Variants in CCDC169 observed in about 807,000 individuals in gnomAD.
CCDC169 encodes coiled-coil domain-containing protein 169.
A neutral mutation model predicts 36.0 loss-of-function variants in CCDC169; 30 were observed. The ratio of observed to expected loss-of-function variants is 0.83; its 90% CI spans 0.62 to 1.13. The LOEUF is 1.13. Among genes scored for constraint, CCDC169 ranks in the 50% most tolerant of loss-of-function variants. The pLI, the probability that CCDC169 is intolerant of heterozygous loss-of-function variation, is 0.00. For synonymous variants in CCDC169, 85 were observed against 81.5 expected (o/e 1.04, Z -0.23); for missense variants, 245 against 245.9 (o/e 1.00, Z 0.03).
downstream of CCDC169, chr13:36,227,095 C>T: frequency 1.6e-6 from 1 of 621,650 alleles, no homozygotes; most frequent in Middle Eastern, 3.7e-4. Context: ...ACTAAACCAG[C>T]AGAGTGGGTC....
intron 7 of CCDC169, among the ~76,000 whole-genome samples, chr13:36,245,300 T>A (rs981730055): frequency 1.3e-5 from 2 of 152,134 alleles, no homozygotes; most frequent in Non-Finnish European, 2.9e-5. Context: ...TCCTGTGTTT[T>A]TGTTTTTTTT....
intron 7 of CCDC169, among the ~76,000 whole-genome samples, chr13:36,243,121 T>G (rs1246568253): frequency 6.6e-6 from 1 of 152,216 alleles, no homozygotes; most frequent in Admixed American, 6.5e-5. Context: ...TACATGGGAC[T>G]GCAGCTGCGC....
chr13:36,290,242 C>CA (rs1185108846), intron 2 of CCDC169, among the ~76,000 whole-genome samples: 2 of 151,992 alleles, frequency 1.3e-5, no homozygotes, highest in Non-Finnish European at 2.9e-5. Context: ...GCCTGTACCA[C>CA]AAAAAAATTA....
chr13:36,237,511 A>G (rs1114744), intron 7 of CCDC169, among the ~76,000 whole-genome samples: 27,706 of 152,138 alleles, frequency 0.18, 2,626 homozygotes, highest in African/African-American at 0.22. Context: ...CATTATTCAT[A>G]ATAGTGAAGA....
chr13:36,231,523 CA>C (rs1488694150), intron 7 of CCDC169, among the ~76,000 whole-genome samples: 7 of 152,174 alleles, frequency 4.6e-5, no homozygotes, highest in African/African-American at 1.7e-4. Flanking sequence ...GCAGGTAATT[CA>C]AAGGCTGGAA....
At chr13:36,272,650 G>C (rs1207664814) in intron 4 of CCDC169, among the ~76,000 whole-genome samples, 1 of 152,032 alleles carries the variant, frequency 6.6e-6, no homozygotes, top group Admixed American at 6.6e-5. Flanking sequence ...TACCCCATAA[G>C]GTTTAATCCT....
At chr13:36,261,917 C>A (rs1874658039) in intron 4 of CCDC169, among the ~76,000 whole-genome samples, 1 of 152,164 alleles carries the variant, frequency 6.6e-6, no homozygotes, top group Non-Finnish European at 1.5e-5. Flanking sequence ...GCCCAGTAGA[C>A]CCAGATGCCA....
intron 4 of CCDC169, among the ~76,000 whole-genome samples, chr13:36,276,673 A>T (rs1354429226): frequency 6.6e-6 from 1 of 152,190 alleles, no homozygotes; most frequent in Admixed American, 6.5e-5. Context: ...AACTAGAGAA[A>T]GAGAAAAATA....
At position 36,230,851 on chromosome 13, in the gene CCDC169, C is replaced by T. The variant is rs1870341041; in HGVS notation, c.*342G>A. 5 of 1,000,594 alleles carry T rather than the reference C, an allele frequency of 5.0e-6. 1 individual carries two copies. Among genetic ancestry groups the T allele is most frequent in the South Asian group, 4.6e-5 (1 of 21,530 alleles). 62.0% of individuals were successfully genotyped at this position (1,000,594 alleles called of 1,614,324 possible). A position where few individuals can be genotyped will look rare whatever the true frequency, so the allele number is the denominator to read the frequency against. Reference sequence around the variant, plus strand: ...ATGGCAAAAAGGTTTTATGAATACACACTTTTTGCTAACAGTCAACTAGAA... The same window carrying T: ...ATGGCAAAAAGGTTTTATGAATACATACTTTTTGCTAACAGTCAACTAGAA... On this transcript the variant is annotated 3_prime_UTR_variant, in exon 8 of 8. Transcript: ENST00000239859.
chr13:36,248,747 C>T (rs9315404), intron 6 of CCDC169, 65 bp from the exon 7 acceptor site: 647,911 of 1,400,740 alleles, frequency 0.46, 152,970 homozygotes, highest in Non-Finnish European at 0.48. Context: ...ATAAGAGAGA[C>T]AGTCAATTCT....
At chr13:36,250,404 GT>G in intron 6 of CCDC169, among the ~76,000 whole-genome samples, 1 of 152,284 alleles carries the variant, frequency 6.6e-6, no homozygotes, top group South Asian at 2.1e-4. Context: ...CAAACTGAAG[GT>G]TTTTAACAGG....
In CCDC169 at chr13:36,232,242, G is replaced by T. The variant is rs570927385; in HGVS notation, c.546-950C>A. Among the ~76,000 whole-genome samples, 6 of 152,210 alleles carry T rather than the reference G, an allele frequency of 3.9e-5. No individual in the cohort carries two copies. The South Asian group carries it at 1.2e-3, about 32-fold the overall frequency. On this transcript the variant is annotated intron_variant, in intron 7 of 7. Transcript: ENST00000239859. ...TAGCCTGGTGGACACCATAAGAGGT[G>T]GAATAGGGTTGGAGATCCTTTAACA...
rs3083971 is a variant in CCDC169 at position 36,274,868 on chromosome 13, A to ATTTTTT, written c.315+8595_315+8600dup. Among the ~76,000 whole-genome samples the ATTTTTT allele has an allele frequency of 1.9e-3, 222 of 118,442 alleles. 3 individuals carry two copies. Among genetic ancestry groups the ATTTTTT allele is most frequent in the African/African-American group, 3.6e-3 (113 of 30,990 alleles). 77.7% of individuals were successfully genotyped at this position (118,442 alleles called of 152,430 possible). A position where few individuals can be genotyped will look rare whatever the true frequency, so the allele number is the denominator to read the frequency against. On this transcript the variant is annotated intron_variant, in intron 4 of 7. Transcript: ENST00000239859. ...GCAGAGAGAAAATTCCATTAGCTGC[A>ATTTTTT]TTTTTTTTTTTTTTTTTTTTGAGAC...
chr13:36,236,538 A>C (rs1576230), intron 7 of CCDC169, among the ~76,000 whole-genome samples: 1 of 151,912 alleles, frequency 6.6e-6, no homozygotes, highest in Admixed American at 6.6e-5. Flanking sequence ...TAAAACTCTT[A>C]GAAGAAAACA....
chr13:36,283,788 T>C, intron 2 of CCDC169, 86 bp from the exon 3 acceptor site: 1 of 1,007,368 alleles, frequency 9.9e-7, no homozygotes. Flanking sequence ...TTGATCTTAC[T>C]CTATTACTAT....
At chr13:36,282,671 C>A (rs971154800) in intron 4 of CCDC169, 3 of 374,480 alleles carry the variant, frequency 8.0e-6, no homozygotes, top group Admixed American at 1.3e-4. Context: ...GTCTCTGGAT[C>A]TAAATTATTA....
In CCDC169 at chr13:36,254,135, T is replaced by G; in HGVS notation, c.324A>C (p.Leu108Phe). The G allele has an allele frequency of 6.6e-7, 1 of 1,513,520 alleles. No individual in the cohort carries two copies. The highest frequency in any genetic ancestry group is 8.8e-7 in the Non-Finnish European group (1 of 1,134,240). 93.8% of individuals were successfully genotyped at this position (1,513,520 alleles called of 1,614,324 possible). A position where few individuals can be genotyped will look rare whatever the true frequency, so the allele number is the denominator to read the frequency against. Residue 108 changes from leucine to phenylalanine, a missense_variant, in exon 5 of 8, where the codon TTA becomes TTC. Leu to Phe is a conservative substitution (Grantham distance 22). Coordinates refer to ENST00000239859, the MANE Select transcript of CCDC169 (RefSeq NM_001144981.3). ...RVYERMPVES[L>F]NTLLKQLEEE... The stretch of plus-strand genomic sequence containing the variant: ...CTTCTAGCTGTTTAAGTAATGTGTT[T>G]AAGGATTCCTAAAAATATAAATAGT...
chr13:36,278,577 C>G (rs1877125409), intron 4 of CCDC169, among the ~76,000 whole-genome samples: 1 of 152,156 alleles, frequency 6.6e-6, no homozygotes, highest in Non-Finnish European at 1.5e-5. Context: ...CCTGAACATT[C>G]ATAAAGCCTT....
intron 4 of CCDC169, among the ~76,000 whole-genome samples, chr13:36,259,584 T>C (rs183260834): frequency 3.3e-5 from 5 of 152,198 alleles, no homozygotes; most frequent in African/African-American, 4.8e-5. Context: ...ACTATGCAAA[T>C]GAAGACAGCC....
Sources: gnomAD v4.1 joint callset for allele counts (sites outside exome capture counted in the v4.1 genomes callset) on GRCh38, gnomAD v4.1.1 for gene constraint, MANE v1.5 for transcripts, NCBI Gene and HGNC (gene_info 2026-07-23, HGNC 2026-07-21) for gene names.